FREM1: variants seen among roughly 807,000 people sequenced by gnomAD.
The protein encoded by FREM1 is FRAS1-related extracellular matrix protein 1.
Under a neutral mutation model 210.1 loss-of-function variants are expected in FREM1, and 220 were observed. The observed-to-expected ratio is 1.05, with a 90% CI of 0.94 to 1.17. FREM1 has a LOEUF of 1.17. Ranked by LOEUF, FREM1 falls within the 50% of genes most tolerant of loss-of-function variation. The pLI is 0.00. For missense variants in FREM1, 3,454 were observed against 2,675.5 expected, an observed-to-expected ratio of 1.29 and a Z score of -6.42; for synonymous variants, 1,189 against 980.2, an observed-to-expected ratio of 1.21 and a Z score of -3.98.
At position 14,737,532 on chromosome 9, in the gene FREM1, G is replaced by C; in HGVS notation, c.6404C>G (p.Thr2135Ser). The C allele has an allele frequency of 6.2e-7, 1 of 1,611,106 alleles. No individual in the cohort carries two copies. The highest frequency in any genetic ancestry group is 1.3e-5 in the African/African-American group (1 of 74,976). ...TTGAGAGGGCCCTCTTCTCCCATTG[G>C]TGAAGGCAACAGGTTCACCACCGAT... ...EWIGGEPVAF[T>S]NGRRGPSQRS... The change falls in exon 37 of 37, where the codon ACC becomes AGC. Residue 2135 changes from threonine to serine, a missense_variant. By Grantham distance (58) the Thr-to-Ser change is moderately conservative. Transcript: ENST00000380880.
chr9:14,812,509 T>C (rs1247316939), intron 16 of FREM1, among the ~76,000 whole-genome samples: 1 of 152,190 alleles, frequency 6.6e-6, no homozygotes, highest in Non-Finnish European at 1.5e-5. Context: ...CCAACTACGA[T>C]GATCAAACTG....
intron 15 of FREM1, 135 bp from the exon 16 acceptor site, chr9:14,813,199 T>A (rs1476517104): frequency 1.1e-6 from 1 of 945,980 alleles, no homozygotes; most frequent in African/African-American, 1.6e-5. Flanking sequence ...CCGTGAAATT[T>A]GGCCAAGTAA....
intron 15 of FREM1, among the ~76,000 whole-genome samples, chr9:14,814,081 T>C (rs1489609568): frequency 6.6e-6 from 1 of 152,170 alleles, no homozygotes; most frequent in African/African-American, 2.4e-5. Flanking sequence ...ACTGCCCACG[T>C]CTCTTCCCCC....
intron 1 of FREM1, among the ~76,000 whole-genome samples, chr9:14,884,915 CTTTTTTTTTTT>C (rs745465527): frequency 1.1e-4 from 8 of 70,396 alleles, no homozygotes; most frequent in Non-Finnish European, 1.3e-4. Context: ...TTCATCATAG[CTTTTTTTTTTT>C]TTTTTTTTTT....
chr9:14,740,754 C>A (rs1841426855), intron 35 of FREM1, among the ~76,000 whole-genome samples: 2 of 152,018 alleles, frequency 1.3e-5, no homozygotes, highest in Middle Eastern at 3.4e-3. Flanking sequence ...TGAGTATAGC[C>A]CCAACTGTCA....
chr9:14,871,314 CTGT>C, intron 1 of FREM1, among the ~76,000 whole-genome samples: 1 of 152,294 alleles, frequency 6.6e-6, no homozygotes, highest in South Asian at 2.1e-4. Flanking sequence ...TCTCCAGCAC[CTGT>C]TGTTTCCTGA....
intron 1 of FREM1, among the ~76,000 whole-genome samples, chr9:14,907,606 C>T (rs1817999248): frequency 1.3e-5 from 2 of 152,160 alleles, no homozygotes; most frequent in Non-Finnish European, 2.9e-5. Context: ...CAGGGAGTTA[C>T]GGGATCCCAT....
intron 21 of FREM1, among the ~76,000 whole-genome samples, chr9:14,793,872 T>C (rs1295203083): frequency 1.3e-5 from 2 of 152,202 alleles, no homozygotes; most frequent in African/African-American, 4.8e-5. Flanking sequence ...AGGGCTGACA[T>C]CTTCCCTCGC....
intron 22 of FREM1, among the ~76,000 whole-genome samples, chr9:14,792,024 T>C (rs144354617): frequency 0.017 from 2,570 of 152,116 alleles, 44 homozygotes; most frequent in Middle Eastern, 0.034. Context: ...TTTGCATTTT[T>C]AGTAGAGATG....
intron 4 of FREM1, among the ~76,000 whole-genome samples, chr9:14,858,261 C>A (rs1248917395): frequency 6.6e-6 from 1 of 152,188 alleles, no homozygotes; most frequent in Non-Finnish European, 1.5e-5. Flanking sequence ...AACCAACATG[C>A]TCTTTCTCAC....
intron 1 of FREM1, among the ~76,000 whole-genome samples, chr9:14,901,318 A>G (rs932128554): frequency 1.3e-5 from 2 of 152,192 alleles, no homozygotes; most frequent in Non-Finnish European, 2.9e-5. Context: ...AAGTCTCTCA[A>G]ATCATTCTAT....
chr9:14,813,281 G>C (rs1480112800), intron 15 of FREM1, among the ~76,000 whole-genome samples: 2 of 152,220 alleles, frequency 1.3e-5, no homozygotes, highest in East Asian at 1.9e-4. Context: ...ATTTTAGGTA[G>C]GAATGGGGGA....
In FREM1 at chr9:14,904,109, C is replaced by T. The variant is rs576546604; in HGVS notation, c.-268+5805G>A. On this transcript the variant is annotated intron_variant, in intron 1 of 36. Coordinates refer to ENST00000380880, the MANE Select transcript of FREM1 (RefSeq NM_001379081.2). ...CAGCCTGGGTGACAGAGCAAGACTC[C>T]GTCTCAAAAAAAAAAAAAAAAAAAA... Among the ~76,000 whole-genome samples, 20 of 95,322 alleles carry T rather than the reference C, an allele frequency of 2.1e-4. No homozygotes were observed. The East Asian group carries it at 5.1e-3, about 24-fold the overall frequency. 62.5% of individuals were successfully genotyped at this position (95,322 alleles called of 152,430 possible). A position where few individuals can be genotyped will look rare whatever the true frequency, so the allele number is the denominator to read the frequency against.
intron 27 of FREM1, among the ~76,000 whole-genome samples, chr9:14,765,335 A>G (rs1430519885): frequency 6.6e-6 from 1 of 152,222 alleles, no homozygotes; most frequent in African/African-American, 2.4e-5. Flanking sequence ...CTTTAGAATC[A>G]AGCACACCTT....
chr9:14,798,072 A>G (rs1324709740), intron 20 of FREM1, among the ~76,000 whole-genome samples: 1 of 152,094 alleles, frequency 6.6e-6, no homozygotes, highest in African/African-American at 2.4e-5. Context: ...CTAACATTTA[A>G]ATGGAAATTC....
intron 10 of FREM1, among the ~76,000 whole-genome samples, chr9:14,831,207 A>G (rs1306818599): frequency 6.6e-6 from 1 of 152,194 alleles, no homozygotes; most frequent in Non-Finnish European, 1.5e-5. Context: ...CCAACAGCCC[A>G]TTCTGGGTGT....
At chr9:14,830,919 G>T (rs888613729) in intron 10 of FREM1, among the ~76,000 whole-genome samples, 1 of 152,094 alleles carries the variant, frequency 6.6e-6, no homozygotes, top group Admixed American at 6.5e-5. Flanking sequence ...GGCACTCTTC[G>T]CCTCTATATT....
At chr9:14,765,198 G>A (rs915357859) in intron 27 of FREM1, among the ~76,000 whole-genome samples, 5 of 152,158 alleles carry the variant, frequency 3.3e-5, no homozygotes, top group African/African-American at 1.2e-4. Flanking sequence ...TCAATTCATA[G>A]ATGATGCTAT....
At chr9:14,795,628 G>C (rs1852228490) in intron 21 of FREM1, among the ~76,000 whole-genome samples, 1 of 152,216 alleles carries the variant, frequency 6.6e-6, no homozygotes, top group Admixed American at 6.5e-5. Flanking sequence ...TGATTCTGTA[G>C]ATGTAGCTAT....
Sources: allele counts gnomAD v4.1 joint callset (sites outside exome capture counted in the v4.1 genomes callset), GRCh38; gene constraint gnomAD v4.1.1; transcripts MANE v1.5; gene names NCBI Gene and HGNC (gene_info 2026-07-23, HGNC 2026-07-21).